The following SUMO3 variants were observed in gnomAD, a reference collection of about 807,000 sequenced individuals.
The protein encoded by SUMO3 is small ubiquitin-related modifier 3.
In SUMO3, 2 loss-of-function variants were observed where a neutral mutation model predicts 11.1. The ratio of observed to expected loss-of-function variants is 0.18; its 90% CI spans 0.07 to 0.57. The LOEUF (loss-of-function observed/expected upper bound fraction) is 0.57. Among genes scored for constraint, SUMO3 ranks in the 20% least tolerant of loss-of-function variants. The pLI is 0.92. For synonymous variants in SUMO3, 56 were observed against 53.5 expected (o/e 1.05, Z -0.20); for missense variants, 70 against 132.8 (o/e 0.53, Z 2.32).
At chr21:44,814,686 A>G (rs908914743) in intron 1 of SUMO3, among the ~76,000 whole-genome samples, 1 of 152,198 alleles carries the variant, frequency 6.6e-6, no homozygotes, top group Non-Finnish European at 1.5e-5. Context: ...CGGGAATCCA[A>G]CTGAGGACGG....
In SUMO3 at chr21:44,811,047, C is replaced by T. The variant is rs1244805151; in HGVS notation, c.151-1929G>A. 6.7e-6 allele frequency among the ~76,000 whole-genome samples: 1 copy of T among 148,880 alleles called. No homozygotes were observed. The highest frequency in any genetic ancestry group is 6.7e-5 in the Admixed American group (1 of 14,920). On this transcript the variant is annotated intron_variant, in intron 2 of 3. Coordinates refer to ENST00000332859, the MANE Select transcript of SUMO3 (RefSeq NM_006936.3). This position sits in a 1 kb window ranked among gnomAD's most constrained non-coding sequence, Gnocchi z 5.0. ...ACACGCACACACCCACATACACACACGCACACACCCACACATACACACACA... is the reference window on the plus strand; with the variant it reads ...ACACGCACACACCCACATACACACATGCACACACCCACACATACACACACA...
rs375002240 is a variant in SUMO3, at chr21:44,813,967, G to T, written c.150+9C>A. On this transcript the variant is annotated intron_variant, in intron 2 of 3. Transcript: ENST00000332859. ...CGGGGAGGCTCTGCGGGGGAGCAAG[G>T]TGCCGCACCTGCCTCTCGCAGTAGG... 6.2e-7 allele frequency: 1 copy of T among 1,609,340 alleles called. No individual in the cohort carries two copies. Among genetic ancestry groups the T allele is most frequent in the Non-Finnish European group, 8.5e-7 (1 of 1,179,920 alleles).
At position 44,810,565 on chromosome 21, in the gene SUMO3, C is replaced by T. The variant is rs566790078; in HGVS notation, c.151-1447G>A. 5.3e-5 allele frequency among the ~76,000 whole-genome samples: 8 copies of T among 152,332 alleles called. No homozygotes were observed. The highest frequency in any genetic ancestry group is 1.9e-4 in the East Asian group (1 of 5,188). ...CAGGGCGGAAACAGGCCCACGAAAG[C>T]GCGTGCCCTCAACACTGTGCGCCAA... On this transcript the variant is annotated intron_variant, in intron 2 of 3. Transcript: ENST00000332859. The surrounding 1 kb of genome is among the most constrained non-coding windows in gnomAD (Gnocchi z 4.1).
Position 44,807,290 on chromosome 21 carries a change from TA to T in SUMO3, c.223-251del, listed in dbSNP as rs1328097513. Among the ~76,000 whole-genome samples, 1 of 152,118 alleles carries T rather than the reference TA, an allele frequency of 6.6e-6. No individual in the cohort carries two copies. Among genetic ancestry groups the T allele is most frequent in the Non-Finnish European group, 1.5e-5 (1 of 68,014 alleles). On this transcript the variant is annotated intron_variant, in intron 3 of 3. Coordinates refer to ENST00000332859, the MANE Select transcript of SUMO3 (RefSeq NM_006936.3). This position sits in a 1 kb window ranked among gnomAD's most constrained non-coding sequence, Gnocchi z 4.3. ...AAACTCACAAAAGCAGATTCAAAGC[TA>T]AAATGTTAACTGAGAGAAAAACTGA...
At chr21:44,817,519 A>G in intron 1 of SUMO3, among the ~76,000 whole-genome samples, 1 of 151,958 alleles carries the variant, frequency 6.6e-6, no homozygotes, top group Non-Finnish European at 1.5e-5. Flanking sequence ...TCCCGCACCC[A>G]GGGCGATGCC....
At chr21:44,817,693 A>G (rs528987071) in intron 1 of SUMO3, among the ~76,000 whole-genome samples, 3 of 148,450 alleles carry the variant, frequency 2.0e-5, no homozygotes, top group Admixed American at 2.0e-4. Flanking sequence ...GCGCCTTCCC[A>G]GCTGGGGAGG....
At position 44,807,044 on chromosome 21, in the gene SUMO3, T is replaced by A; in HGVS notation, c.223-4A>T. ...TGTCCTCGTCCTCCATCTCCAGCTG[T>A]CATGGTTGTCACAACAGGCACAGCG... On this transcript the variant is annotated splice_polypyrimidine_tract_variant and splice_region_variant and intron_variant, in intron 3 of 3. Coordinates refer to ENST00000332859, the MANE Select transcript of SUMO3 (RefSeq NM_006936.3). This position sits in a 1 kb window ranked among gnomAD's most constrained non-coding sequence, Gnocchi z 4.3. 6.2e-7 allele frequency: 1 copy of A among 1,613,514 alleles called. No homozygotes were observed. Among genetic ancestry groups the A allele is most frequent in the Middle Eastern group, 1.7e-4 (1 of 6,056 alleles).
In SUMO3 at chr21:44,807,533, TC is replaced by T. The variant is rs1208673561; in HGVS notation, c.223-494del. Among the ~76,000 whole-genome samples, 4 of 147,130 alleles carry T rather than the reference TC, an allele frequency of 2.7e-5. No homozygotes were observed. The East Asian group carries it at 8.1e-4, about 30-fold the overall frequency. On this transcript the variant is annotated intron_variant, in intron 3 of 3. Transcript: ENST00000332859. The surrounding 1 kb of genome is among the most constrained non-coding windows in gnomAD (Gnocchi z 4.3). ...TCCATTGCCAGCTTCTCCCCGCCCC[TC>T]CCCATTTAAAGCCCAGGCAAGGTAG...
intron 2 of SUMO3, among the ~76,000 whole-genome samples, chr21:44,812,154 T>C (rs1392001137): frequency 7.1e-6 from 1 of 141,514 alleles, no homozygotes; most frequent in East Asian, 2.3e-4. Flanking sequence ...CCTCCTGGGC[T>C]CAAACAATCC....
rs374675274 is a variant in SUMO3, at chr21:44,811,176, A to C, written c.151-2058T>G. 8.2e-6 allele frequency among the ~76,000 whole-genome samples: 1 copy of C among 122,536 alleles called. No individual in the cohort carries two copies. The highest frequency in any genetic ancestry group is 2.1e-5 in the Non-Finnish European group (1 of 48,742). 80.4% of individuals were successfully genotyped at this position (122,536 alleles called of 152,430 possible). A position where few individuals can be genotyped will look rare whatever the true frequency, so the allele number is the denominator to read the frequency against. On this transcript the variant is annotated intron_variant, in intron 2 of 3. Coordinates refer to ENST00000332859, the MANE Select transcript of SUMO3 (RefSeq NM_006936.3). The surrounding 1 kb of genome is among the most constrained non-coding windows in gnomAD (Gnocchi z 5.0). Reference sequence around the variant, plus strand: ...CACACACAGGCACACACCCACACATACACACACATGCACAAAGACACGGAC... The same window carrying C: ...CACACACAGGCACACACCCACACATCCACACACATGCACAAAGACACGGAC...
chr21:44,814,860 A>G (rs2083234575), intron 1 of SUMO3, among the ~76,000 whole-genome samples: 1 of 152,248 alleles, frequency 6.6e-6, no homozygotes, highest in Admixed American at 6.5e-5. Context: ...AAGCTACTCA[A>G]CAATGGCACA....
In SUMO3 at chr21:44,807,552, C is replaced by G. The variant is rs1375385540; in HGVS notation, c.223-512G>C. Reference sequence around the variant, plus strand: ...CGCCCCTCCCCATTTAAAGCCCAGGCAAGGTAGTGAAACACCCCCGCTCAC... The same window carrying G: ...CGCCCCTCCCCATTTAAAGCCCAGGGAAGGTAGTGAAACACCCCCGCTCAC... On this transcript the variant is annotated intron_variant, in intron 3 of 3. Coordinates refer to ENST00000332859, the MANE Select transcript of SUMO3 (RefSeq NM_006936.3). The surrounding 1 kb of genome is among the most constrained non-coding windows in gnomAD (Gnocchi z 4.3). Among the ~76,000 whole-genome samples the G allele has an allele frequency of 6.6e-6, 1 of 152,046 alleles. No homozygotes were observed.
rs368428785 is a variant in SUMO3, at chr21:44,817,448, G to T, written c.21+500C>A. 4.9e-4 allele frequency among the ~76,000 whole-genome samples: 74 copies of T among 152,190 alleles called. No homozygotes were observed. The East Asian group carries it at 0.014, about 29-fold the overall frequency. On this transcript the variant is annotated intron_variant, in intron 1 of 3. Transcript: ENST00000332859. ...ACAGGGGCCAGGCCCCTCAGAGCGCGCCCCTTGGGGGTAACCCCAGACGCT... is the reference window on the plus strand; with the variant it reads ...ACAGGGGCCAGGCCCCTCAGAGCGCTCCCCTTGGGGGTAACCCCAGACGCT...
chr21:44,813,841 G>A, intron 2 of SUMO3, 135 bp downstream of exon 2: 2 of 1,556,040 alleles, frequency 1.3e-6, no homozygotes, highest in Non-Finnish European at 1.7e-6. Flanking sequence ...GCCCCCGCCT[G>A]CCCATCCACG....
intron 1 of SUMO3, among the ~76,000 whole-genome samples, chr21:44,817,494 GC>G (rs2146429297): frequency 6.6e-6 from 1 of 151,876 alleles, no homozygotes; most frequent in Non-Finnish European, 1.5e-5. Context: ...CCGACTCCGT[GC>G]ACTCGACACA....
rs372480180 is a variant in SUMO3, at chr21:44,807,648, G to A, written c.223-608C>T. 3.9e-5 allele frequency among the ~76,000 whole-genome samples: 6 copies of A among 152,208 alleles called. No homozygotes were observed. Among genetic ancestry groups the A allele is most frequent in the African/African-American group, 1.2e-4 (5 of 41,450 alleles). On this transcript the variant is annotated intron_variant, in intron 3 of 3. Coordinates refer to ENST00000332859, the MANE Select transcript of SUMO3 (RefSeq NM_006936.3). The surrounding 1 kb of genome is among the most constrained non-coding windows in gnomAD (Gnocchi z 4.3). ...TCTTCCATCCTCTAAGCAAGAGGAAGCTTCTGCCAGTTCCTACACAGACTC... is the reference window on the plus strand; with the variant it reads ...TCTTCCATCCTCTAAGCAAGAGGAAACTTCTGCCAGTTCCTACACAGACTC...
rs2083213670 is a variant in SUMO3 at position 44,811,762 on chromosome 21, T to C, written c.150+2214A>G. On this transcript the variant is annotated intron_variant, in intron 2 of 3. Transcript: ENST00000332859. The surrounding 1 kb of genome is among the most constrained non-coding windows in gnomAD (Gnocchi z 5.0). ...CCAAAGCAAAATGGGAGAAAAATTA[T>C]CAAATTTAAAATATCTAGGACAATG... Among the ~76,000 whole-genome samples, 1 of 151,960 alleles carries C rather than the reference T, an allele frequency of 6.6e-6. No individual in the cohort carries two copies. Among genetic ancestry groups the C allele is most frequent in the Non-Finnish European group, 1.5e-5 (1 of 67,994 alleles).
chr21:44,814,506 G>C (rs2083232489), intron 1 of SUMO3, among the ~76,000 whole-genome samples: 1 of 152,242 alleles, frequency 6.6e-6, no homozygotes. Context: ...TTTGAGACCA[G>C]TCTGGGCAAC....
intron 1 of SUMO3, among the ~76,000 whole-genome samples, chr21:44,817,344 G>T (rs2083251981): frequency 6.6e-6 from 1 of 151,772 alleles, no homozygotes. Context: ...TGGGGGACGC[G>T]ATGGCCGGGA....
Sources: allele counts gnomAD v4.1 joint callset (sites outside exome capture counted in the v4.1 genomes callset), GRCh38; gene constraint gnomAD v4.1.1; non-coding constraint Gnocchi (gnomAD v3.1); transcripts MANE v1.5; gene names NCBI Gene and HGNC (gene_info 2026-07-23, HGNC 2026-07-21).